Variants in NRG3 observed in about 807,000 individuals in gnomAD.
NRG3 encodes the protein neuregulin 3.
In NRG3, 31 loss-of-function variants were observed where a neutral mutation model predicts 66.9. That is an observed-to-expected ratio of 0.46 (90% CI 0.35 to 0.63). The LOEUF is 0.63. Among genes scored for constraint, NRG3 ranks in the 20% least tolerant of loss-of-function variants. The pLI is 0.00. For synonymous variants in NRG3, 393 were observed against 359.4 expected (o/e 1.09, Z -1.06); for missense variants, 910 against 878.9 (o/e 1.04, Z -0.45).
At chr10:82,523,371 C>T (rs770658480) in intron 2 of NRG3, among the ~76,000 whole-genome samples, 14 of 152,120 alleles carry the variant, frequency 9.2e-5, no homozygotes, top group Non-Finnish European at 1.8e-4. Context: ...TTTACTTTCC[C>T]ACCAGCAGTA....
At chr10:82,353,872 T>A (rs1287186614) in intron 1 of NRG3, among the ~76,000 whole-genome samples, 2 of 152,176 alleles carry the variant, frequency 1.3e-5, no homozygotes, top group Non-Finnish European at 2.9e-5. Context: ...TTCTCGTTTG[T>A]CCTCTATGCT....
At chr10:82,842,554 T>G (rs958761498) in intron 3 of NRG3, among the ~76,000 whole-genome samples, 2 of 152,164 alleles carry the variant, frequency 1.3e-5, no homozygotes, top group Non-Finnish European at 2.9e-5. Flanking sequence ...GATAGATACA[T>G]CATAACCCTG....
intron 1 of NRG3, among the ~76,000 whole-genome samples, chr10:82,003,760 C>A (rs2061264701): frequency 6.6e-6 from 1 of 152,006 alleles, no homozygotes; most frequent in Non-Finnish European, 1.5e-5. Context: ...ATGGGAGTGT[C>A]TGTTGACCTA....
intron 1 of NRG3, among the ~76,000 whole-genome samples, chr10:82,324,144 C>T (rs1405138634): frequency 6.6e-6 from 1 of 152,098 alleles, no homozygotes; most frequent in Non-Finnish European, 1.5e-5. Flanking sequence ...GGATTACAGG[C>T]GTGAGCCACC....
At chr10:82,481,605 CTG>C (rs1426189662) in intron 2 of NRG3, among the ~76,000 whole-genome samples, 3 of 152,144 alleles carry the variant, frequency 2.0e-5, no homozygotes, top group Admixed American at 2.0e-4. Context: ...AAACACTTCT[CTG>C]GGAAATTTAA....
At chr10:81,916,821 CCAGGTGCCAACT>C (rs1281496862) in intron 1 of NRG3, among the ~76,000 whole-genome samples, 1 of 152,072 alleles carries the variant, frequency 6.6e-6, no homozygotes, top group African/African-American at 2.4e-5. Flanking sequence ...TGCCTTTCTG[CCAGGTGCCAACT>C]CATGTTCGCC....
chr10:82,335,794 A>T (rs994893830), intron 1 of NRG3, among the ~76,000 whole-genome samples: 2 of 152,244 alleles, frequency 1.3e-5, no homozygotes, highest in East Asian at 3.8e-4. Context: ...CATCTTCTAC[A>T]TATATTTTTT....
chr10:82,915,716 T>G (rs1032826146), intron 4 of NRG3, among the ~76,000 whole-genome samples: 2 of 152,180 alleles, frequency 1.3e-5, no homozygotes, highest in African/African-American at 4.8e-5. Flanking sequence ...TGTACAAAAG[T>G]CTGAATATTT....
At chr10:82,256,311 A>C (rs1009345799) in intron 1 of NRG3, among the ~76,000 whole-genome samples, 1 of 152,182 alleles carries the variant, frequency 6.6e-6, no homozygotes, top group African/African-American at 2.4e-5. Flanking sequence ...AAAAATACTC[A>C]GATGTATCTA....
chr10:82,942,572 T>G (rs1393184021), intron 4 of NRG3, among the ~76,000 whole-genome samples: 1 of 152,132 alleles, frequency 6.6e-6, no homozygotes, highest in East Asian at 1.9e-4. Context: ...CTAGAGAAAG[T>G]AACATTATGG....
chr10:82,103,681 C>A (rs2066892637), intron 1 of NRG3, among the ~76,000 whole-genome samples: 1 of 152,048 alleles, frequency 6.6e-6, no homozygotes, highest in Non-Finnish European at 1.5e-5. Flanking sequence ...TTAAGCAATT[C>A]TTGTCTCTAG....
At chr10:82,973,707 C>T (rs1851983385) in intron 6 of NRG3, 81 bp from the exon 7 acceptor site, 1 of 1,503,232 alleles carries the variant, frequency 6.7e-7, no homozygotes. Context: ...ATTCCAGTAA[C>T]TTCTCAATGC....
At chr10:82,099,486 T>C (rs887229988) in intron 1 of NRG3, among the ~76,000 whole-genome samples, 1 of 152,236 alleles carries the variant, frequency 6.6e-6, no homozygotes, top group Admixed American at 6.5e-5. Flanking sequence ...CTAGGTAGTC[T>C]TGAAACCAGG....
chr10:82,149,225 A>C (rs2070506019), intron 1 of NRG3, among the ~76,000 whole-genome samples: 1 of 152,152 alleles, frequency 6.6e-6, no homozygotes, highest in East Asian at 1.9e-4. Context: ...CTATCAAGTT[A>C]TTATCCCCAG....
chr10:82,790,477 C>CT (rs1219367915), intron 3 of NRG3, among the ~76,000 whole-genome samples: 1 of 151,984 alleles, frequency 6.6e-6, no homozygotes, highest in Non-Finnish European at 1.5e-5. Context: ...GCGATGACTC[C>CT]TTTTTTCGAT....
rs961299411 is a variant in NRG3 at position 82,120,841 on chromosome 10, CCTT to C, written c.824-237895_824-237893del. ...GGTCATGGATATGCTTCCCACAGCT[CCTT>C]CTCTGCATACGGGGAGTCTCATTAC... is the stretch of plus-strand genomic sequence containing the variant. On this transcript the variant is annotated intron_variant, in intron 1 of 8. Transcript: ENST00000372141. Among the ~76,000 whole-genome samples, 287 of 152,194 alleles carry C rather than the reference CCTT, an allele frequency of 1.9e-3. 1 individual carries two copies. The highest frequency in any genetic ancestry group is 6.5e-4 in the Non-Finnish European group (44 of 68,012).
intron 2 of NRG3, among the ~76,000 whole-genome samples, chr10:82,611,321 G>A (rs948177365): frequency 6.6e-6 from 1 of 151,736 alleles, no homozygotes. Flanking sequence ...ACAACATGCA[G>A]GTTTGTTACA....
chr10:81,971,871 A>G (rs2059946469), intron 1 of NRG3, among the ~76,000 whole-genome samples: 2 of 152,250 alleles, frequency 1.3e-5, no homozygotes, highest in Non-Finnish European at 2.9e-5. Context: ...TGACAGAAGC[A>G]TAGACATGTG....
intron 1 of NRG3, among the ~76,000 whole-genome samples, chr10:81,985,871 C>A (rs1022089987): frequency 1.3e-5 from 2 of 152,088 alleles, no homozygotes; most frequent in Admixed American, 6.6e-5. Context: ...TAATATATAC[C>A]ATAACATAGC....
Sources: allele counts gnomAD v4.1 joint callset (sites outside exome capture counted in the v4.1 genomes callset), GRCh38; gene constraint gnomAD v4.1.1; transcripts MANE v1.5; gene names NCBI Gene and HGNC (gene_info 2026-07-23, HGNC 2026-07-21).